The following KAZN variants were observed in gnomAD, a reference collection of about 807,000 sequenced individuals.
The protein encoded by KAZN is kazrin.
KAZN carries 40 observed loss-of-function variants against 87.4 expected under a neutral mutation model. That is an observed-to-expected ratio of 0.46 (90% CI 0.36 to 0.60). The LOEUF (loss-of-function observed/expected upper bound fraction) is 0.60, where lower values mean the gene tolerates loss of function less well. Ranked by LOEUF, KAZN falls within the 20% of genes least tolerant of loss-of-function variation. The pLI, the probability that KAZN is intolerant of heterozygous loss-of-function variation, is 0.00. For synonymous variants in KAZN, 466 were observed against 458.3 expected, an observed-to-expected ratio of 1.02 and a Z score of -0.22; for missense variants, 898 against 1,073.9, an observed-to-expected ratio of 0.84 and a Z score of 2.29.
chr1:15,110,423 A>G (rs200781424), intron 13 of KAZN, among the ~76,000 whole-genome samples: 1 of 122,494 alleles, frequency 8.2e-6, no homozygotes, highest in African/African-American at 2.8e-5. Flanking sequence ...GTGTGCGCAT[A>G]TGTGTTCATG....
intron 2 of KAZN, among the ~76,000 whole-genome samples, chr1:14,267,868 G>A (rs1231288504): frequency 6.6e-6 from 1 of 152,188 alleles, no homozygotes; most frequent in African/African-American, 2.4e-5. Flanking sequence ...GCTGAGGCAG[G>A]AGAATCACTT....
At chr1:13,915,118 C>T (rs1198069407) in intron 1 of KAZN, among the ~76,000 whole-genome samples, 3 of 152,116 alleles carry the variant, frequency 2.0e-5, no homozygotes, top group South Asian at 2.1e-4. Context: ...CATGTGTATA[C>T]GTGCAGTTGT....
intron 2 of KAZN, among the ~76,000 whole-genome samples, chr1:14,210,944 A>G (rs1259925044): frequency 6.6e-6 from 1 of 152,072 alleles, no homozygotes; most frequent in Non-Finnish European, 1.5e-5. Context: ...TCCACTGTAC[A>G]CTCATTGGAG....
chr1:14,442,968 T>G (rs1666782498), intron 2 of KAZN, among the ~76,000 whole-genome samples: 1 of 152,190 alleles, frequency 6.6e-6, no homozygotes, highest in African/African-American at 2.4e-5. Flanking sequence ...CCAGTCTTTC[T>G]TTTGGGAACT....
At chr1:14,335,266 G>A (rs1445825280) in intron 2 of KAZN, among the ~76,000 whole-genome samples, 5 of 150,382 alleles carry the variant, frequency 3.3e-5, no homozygotes, top group African/African-American at 7.4e-5. Context: ...GTAGTGGTGC[G>A]ATCTCGGCTC....
At chr1:14,195,937 G>C (rs533620531) in intron 2 of KAZN, among the ~76,000 whole-genome samples, 1 of 152,138 alleles carries the variant, frequency 6.6e-6, no homozygotes, top group East Asian at 1.9e-4. Flanking sequence ...AAGGAAATAA[G>C]GTAGAGTCAG....
At chr1:14,988,475 T>A (rs1281402098) in intron 2 of KAZN, among the ~76,000 whole-genome samples, 2 of 152,118 alleles carry the variant, frequency 1.3e-5, no homozygotes, top group Non-Finnish European at 2.9e-5. Context: ...CTGGAGGGAA[T>A]CGTGATGAAG....
At chr1:14,686,847 C>T (rs539294828) in intron 1 of KAZN, among the ~76,000 whole-genome samples, 5 of 152,238 alleles carry the variant, frequency 3.3e-5, no homozygotes, top group Non-Finnish European at 7.3e-5. Flanking sequence ...GGCCTAGGCT[C>T]CCTCTGGAAT....
intron 1 of KAZN, among the ~76,000 whole-genome samples, chr1:14,110,579 T>TC (rs373063550): frequency 9.8e-4 from 135 of 137,284 alleles, no homozygotes; most frequent in Middle Eastern, 3.8e-3. Context: ...TCTTAGGAGG[T>TC]TTTATTTGCA....
chr1:14,038,506 T>C (rs535699774), intron 1 of KAZN, among the ~76,000 whole-genome samples: 24 of 152,238 alleles, frequency 1.6e-4, no homozygotes, highest in African/African-American at 5.8e-4. Flanking sequence ...GGAAATGAGG[T>C]CTGAGGGCAG....
intron 1 of KAZN, among the ~76,000 whole-genome samples, chr1:14,655,841 C>A (rs539858841): frequency 6.6e-6 from 1 of 152,082 alleles, no homozygotes; most frequent in African/African-American, 2.4e-5. Context: ...CAGGTTCAAG[C>A]GGCCAAAGAA....
At chr1:14,895,611 G>C (rs879431170) in intron 1 of KAZN, among the ~76,000 whole-genome samples, 1 of 152,232 alleles carries the variant, frequency 6.6e-6, no homozygotes, top group Non-Finnish European at 1.5e-5. Context: ...CATCTTCCGG[G>C]AGGGTGGAAT....
chr1:14,416,794 A>G lies in KAZN; in HGVS notation c.250-182189A>G, dbSNP rs571436858. 1.1e-4 allele frequency among the ~76,000 whole-genome samples: 17 copies of G among 151,450 alleles called. No homozygotes were observed. The South Asian group carries it at 1.9e-3, about 17-fold the overall frequency. Reference sequence around the variant, plus strand: ...TTTTATTATATATAAGCAAAAAGGGAAAAAAAACCCAGCTGCATGTGGTGG... The same window carrying G: ...TTTTATTATATATAAGCAAAAAGGGGAAAAAAACCCAGCTGCATGTGGTGG... On this transcript the variant is annotated intron_variant, in intron 2 of 16. Transcript: ENST00000636203.
intron 1 of KAZN, among the ~76,000 whole-genome samples, chr1:14,121,973 C>T (rs1054623701): frequency 1.3e-5 from 2 of 152,154 alleles, no homozygotes; most frequent in Non-Finnish European, 2.9e-5. Flanking sequence ...GAGGTTGGAA[C>T]AGAGTGTGTA....
chr1:14,312,007 G>T (rs901157078), intron 2 of KAZN, among the ~76,000 whole-genome samples: 1 of 152,170 alleles, frequency 6.6e-6, no homozygotes, highest in East Asian at 1.9e-4. Context: ...TCAATTGGAT[G>T]CCTTCTGCTG....
intron 1 of KAZN, among the ~76,000 whole-genome samples, chr1:14,749,626 G>A (rs1404376977): frequency 6.6e-6 from 1 of 152,206 alleles, no homozygotes; most frequent in Non-Finnish European, 1.5e-5. Flanking sequence ...GGGCAGAGGA[G>A]TATTCCCAGT....
At chr1:14,443,234 C>T (rs980143128) in intron 2 of KAZN, among the ~76,000 whole-genome samples, 10 of 152,290 alleles carry the variant, frequency 6.6e-5, no homozygotes, top group Non-Finnish European at 7.4e-5. Flanking sequence ...AAGTCTCTCC[C>T]GAATGGGCCC....
At chr1:14,223,514 G>A (rs1207774620) in intron 2 of KAZN, among the ~76,000 whole-genome samples, 2 of 152,092 alleles carry the variant, frequency 1.3e-5, no homozygotes, top group African/African-American at 4.8e-5. Context: ...TCCTGCCCAT[G>A]CTCCTTTTGG....
At chr1:14,936,813 A>G (rs996026675) in intron 1 of KAZN, among the ~76,000 whole-genome samples, 1 of 152,176 alleles carries the variant, frequency 6.6e-6, no homozygotes, top group Non-Finnish European at 1.5e-5. Flanking sequence ...AGATGCGACA[A>G]GCCTCCTTGT....
Sources: allele counts gnomAD v4.1 joint callset (sites outside exome capture counted in the v4.1 genomes callset), GRCh38; gene constraint gnomAD v4.1.1; transcripts MANE v1.5; gene names NCBI Gene and HGNC (gene_info 2026-07-23, HGNC 2026-07-21).